UTRN: variants seen among roughly 807,000 people sequenced by gnomAD.
UTRN encodes the protein utrophin.
Under a neutral mutation model 463.9 loss-of-function variants are expected in UTRN, and 283 were observed. The observed-to-expected ratio is 0.61, with a 90% CI of 0.55 to 0.67. The LOEUF is 0.67. Among genes scored for constraint, UTRN ranks in the 30% least tolerant of loss-of-function variants. The probability of loss-of-function intolerance (pLI) is 0.00; values close to 1 mark genes in which losing one functional copy is unlikely to be tolerated. For missense variants in UTRN, 3,922 were observed against 4,084.3 expected, an observed-to-expected ratio of 0.96 and a Z score of 1.08; for synonymous variants, 1,442 against 1,431.5, an observed-to-expected ratio of 1.01 and a Z score of -0.17.
intron 51 of UTRN, among the ~76,000 whole-genome samples, chr6:144,629,292 G>A (rs1221706653): frequency 2.0e-5 from 3 of 151,620 alleles, no homozygotes; most frequent in Admixed American, 6.6e-5. Context: ...CCTAAATGAC[G>A]CATCATGACC....
chr6:144,360,764 A>C (rs1779013746), intron 2 of UTRN, among the ~76,000 whole-genome samples: 1 of 152,232 alleles, frequency 6.6e-6, no homozygotes, highest in African/African-American at 2.4e-5. Context: ...TGCATCTCCA[A>C]GTTCCCAGTT....
At chr6:144,417,771 C>T (rs1784477907) in intron 3 of UTRN, among the ~76,000 whole-genome samples, 1 of 152,158 alleles carries the variant, frequency 6.6e-6, no homozygotes, top group Non-Finnish European at 1.5e-5. Flanking sequence ...TTCTCTATGG[C>T]TGCTTTCACT....
intron 58 of UTRN, among the ~76,000 whole-genome samples, chr6:144,766,776 T>C (rs942993249): frequency 1.4e-5 from 2 of 148,138 alleles, no homozygotes; most frequent in African/African-American, 5.1e-5. Flanking sequence ...AAAATGTAGA[T>C]TTGAGGTAGG....
At chr6:144,298,986 A>G (rs1022312305) in intron 2 of UTRN, among the ~76,000 whole-genome samples, 3 of 152,196 alleles carry the variant, frequency 2.0e-5, no homozygotes, top group African/African-American at 7.2e-5. Flanking sequence ...TTTATATGCA[A>G]AAGATTTTTG....
intron 53 of UTRN, among the ~76,000 whole-genome samples, chr6:144,710,858 G>C (rs1312487144): frequency 2.0e-5 from 3 of 152,112 alleles, no homozygotes; most frequent in Non-Finnish European, 4.4e-5. Flanking sequence ...TTACTATCTA[G>C]ATTAACCCGT....
intron 65 of UTRN, among the ~76,000 whole-genome samples, chr6:144,813,313 T>C (rs1778792672): frequency 6.6e-6 from 1 of 152,056 alleles, no homozygotes; most frequent in African/African-American, 2.4e-5. Flanking sequence ...CTTAGCCTCC[T>C]GAGTAGCTGG....
At chr6:144,531,814 T>TTA (rs1179703179) in intron 42 of UTRN, among the ~76,000 whole-genome samples, 1 of 152,194 alleles carries the variant, frequency 6.6e-6, no homozygotes, top group African/African-American at 2.4e-5. Flanking sequence ...ACATGACAAT[T>TTA]TAAAGATAAT....
At chr6:144,684,305 C>G (rs1409237101) in intron 52 of UTRN, among the ~76,000 whole-genome samples, 2 of 152,296 alleles carry the variant, frequency 1.3e-5, no homozygotes, top group East Asian at 3.9e-4. Flanking sequence ...TCGCCTTGGC[C>G]TCCCAAACTG....
chr6:144,464,141 G>A (rs1254211616), intron 23 of UTRN, among the ~76,000 whole-genome samples: 3 of 152,154 alleles, frequency 2.0e-5, no homozygotes, highest in South Asian at 2.1e-4. Context: ...GATTGAAAGC[G>A]AAGACAAAAA....
chr6:144,349,253 C>T (rs1353371118), intron 2 of UTRN, among the ~76,000 whole-genome samples: 2 of 152,184 alleles, frequency 1.3e-5, no homozygotes, highest in African/African-American at 4.8e-5. Context: ...CGTGATCCGC[C>T]CGCCTCAGCC....
At chr6:144,826,186 A>AAATAAATAAATAAATG (rs1300918772) in intron 66 of UTRN, among the ~76,000 whole-genome samples, 1 of 151,708 alleles carries the variant, frequency 6.6e-6, no homozygotes, top group Admixed American at 6.6e-5. Context: ...ATAAATAAAT[A>AAATAAATAAATAAATG]AATGCCTGGT....
chr6:144,406,362 T>C (rs1254564815), intron 3 of UTRN, among the ~76,000 whole-genome samples: 16 of 30,842 alleles, frequency 5.2e-4, no homozygotes, highest in East Asian at 4.2e-3. Context: ...TTTTCTTTTT[T>C]TTTTTTTTTT....
chr6:144,611,235 T>A (rs963113476), intron 51 of UTRN, among the ~76,000 whole-genome samples: 1 of 152,202 alleles, frequency 6.6e-6, no homozygotes, highest in Non-Finnish European at 1.5e-5. Context: ...GTAAAGGATG[T>A]ATAGACAAAC....
chr6:144,309,666 C>G (rs540119879), intron 2 of UTRN, among the ~76,000 whole-genome samples: 124 of 152,344 alleles, frequency 8.1e-4, no homozygotes, highest in African/African-American at 2.8e-3. Flanking sequence ...TTACTTGTCT[C>G]TCTGCTTCCT....
chr6:144,772,835 G>T (rs1374912150), intron 59 of UTRN, among the ~76,000 whole-genome samples: 1 of 152,070 alleles, frequency 6.6e-6, no homozygotes, highest in Non-Finnish European at 1.5e-5. Context: ...CCTCTGGTTG[G>T]TCCAGCGGTT....
Position 144,447,258 on chromosome 6 carries a change from A to AC in UTRN, c.1662_1663insC (p.Val555ArgfsTer38). 1 of 1,614,024 alleles carries AC rather than the reference A, an allele frequency of 6.2e-7. No homozygotes were observed. The highest frequency in any genetic ancestry group is 1.1e-5 in the South Asian group (1 of 91,066). On this transcript the variant is annotated frameshift_variant, in exon 15 of 75. Coordinates refer to ENST00000367545, the MANE Select transcript of UTRN (RefSeq NM_007124.3). LOFTEE classifies it high-confidence loss of function. ...CCGAAAAAGAAGAGGCTTTAAATAAAGTCCAGACAAGCAACTTCAAAGACC... is the reference window on the plus strand; with the variant it reads ...CCGAAAAAGAAGAGGCTTTAAATAAACGTCCAGACAAGCAACTTCAAAGACC...
chr6:144,298,612 A>G (rs1324093776), intron 2 of UTRN, among the ~76,000 whole-genome samples: 1 of 152,234 alleles, frequency 6.6e-6, no homozygotes, highest in African/African-American at 2.4e-5. Context: ...CTTTCATAGC[A>G]GTGGAGCTCA....
chr6:144,639,745 A>C (rs1353324146), intron 51 of UTRN, among the ~76,000 whole-genome samples: 5 of 152,046 alleles, frequency 3.3e-5, no homozygotes, highest in African/African-American at 1.2e-4. Flanking sequence ...GAAGCTGTAT[A>C]AACAGACAAG....
At position 144,545,372 on chromosome 6, in the gene UTRN, C is replaced by T. The variant is rs1337492728; in HGVS notation, c.6595+2502C>T. 3.9e-5 allele frequency among the ~76,000 whole-genome samples: 6 copies of T among 152,088 alleles called. No individual in the cohort carries two copies. The East Asian group carries it at 1.2e-3, about 29-fold the overall frequency. On this transcript the variant is annotated intron_variant, in intron 46 of 74. Transcript: ENST00000367545. ...TCACTTCCATCCACATAAATGAGTTCCAAAGTCTGGCCTTAGTCCAGAACA... is the reference window on the plus strand; with the variant it reads ...TCACTTCCATCCACATAAATGAGTTTCAAAGTCTGGCCTTAGTCCAGAACA...
Sources: gnomAD v4.1 joint callset for allele counts (sites outside exome capture counted in the v4.1 genomes callset) on GRCh38, gnomAD v4.1.1 for gene constraint, MANE v1.5 for transcripts, NCBI Gene and HGNC (gene_info 2026-07-23, HGNC 2026-07-21) for gene names.